RBMS3: variants seen among roughly 807,000 people sequenced by gnomAD.
RBMS3 encodes the protein RNA binding motif single stranded interacting protein 3.
Under a neutral mutation model 66.8 loss-of-function variants are expected in RBMS3, and 27 were observed. The observed-to-expected ratio is 0.40, with a 90% CI of 0.30 to 0.56. The LOEUF (loss-of-function observed/expected upper bound fraction) is 0.56. RBMS3 is among the 20% of genes least tolerant of loss of function. RBMS3 has a pLI of 0.40. For missense variants in RBMS3, 513 were observed against 549.5 expected (o/e 0.93, Z 0.66); for synonymous variants, 188 against 183.0 (o/e 1.03, Z -0.22).
chr3:29,399,443 G>A (rs150216810), intron 1 of RBMS3, among the ~76,000 whole-genome samples: 42 of 150,916 alleles, frequency 2.8e-4, no homozygotes, highest in African/African-American at 8.9e-4. Context: ...TCTATTAAGA[G>A]CTTGAAAAAA....
At chr3:29,508,463 G>T (rs1043899372) in intron 3 of RBMS3, among the ~76,000 whole-genome samples, 14 of 152,228 alleles carry the variant, frequency 9.2e-5, no homozygotes, top group African/African-American at 3.1e-4. Flanking sequence ...TTGGTTTTCT[G>T]TTCTTGTGTT....
At chr3:29,586,241 A>T (rs1413842535) in intron 3 of RBMS3, among the ~76,000 whole-genome samples, 1 of 152,112 alleles carries the variant, frequency 6.6e-6, no homozygotes, top group Non-Finnish European at 1.5e-5. Flanking sequence ...TTGGCAGTTA[A>T]CATTACTGTT....
intron 5 of RBMS3, among the ~76,000 whole-genome samples, chr3:29,740,080 T>G (rs1315332792): frequency 6.6e-6 from 1 of 152,058 alleles, no homozygotes; most frequent in Non-Finnish European, 1.5e-5. Flanking sequence ...CTGTGCTTGT[T>G]CAAATGTACG....
intron 2 of RBMS3, among the ~76,000 whole-genome samples, chr3:29,454,959 C>T (rs895567274): frequency 1.3e-5 from 2 of 152,098 alleles, no homozygotes; most frequent in Admixed American, 6.5e-5. Context: ...TGCATTTCAA[C>T]GTCAAAATAG....
rs546007119 is a variant in RBMS3, at chr3:29,971,769, T to A, written c.1099-16374T>A. ...GAGGTACAGAGAAAAAGCTGTTAGA[T>A]GTCATAAGAGGTAGTTACCATTTCC... On this transcript the variant is annotated intron_variant, in intron 12 of 14. Transcript: ENST00000383767. Among the ~76,000 whole-genome samples, 18 of 152,240 alleles carry A rather than the reference T, an allele frequency of 1.2e-4. No individual in the cohort carries two copies. The South Asian group carries it at 3.7e-3, about 32-fold the overall frequency.
At chr3:29,490,717 G>A (rs972149221) in intron 3 of RBMS3, among the ~76,000 whole-genome samples, 3 of 152,100 alleles carry the variant, frequency 2.0e-5, no homozygotes, top group Admixed American at 2.0e-4. Flanking sequence ...ATTAGGGTGG[G>A]CAGTTGAGAA....
chr3:29,504,102 C>G (rs1204725952), intron 3 of RBMS3, among the ~76,000 whole-genome samples: 1 of 151,178 alleles, frequency 6.6e-6, no homozygotes, highest in African/African-American at 2.5e-5. Context: ...TTTAGATCCA[C>G]TCCAGAAATA....
At chr3:29,432,730 C>T (rs1349296923) in intron 1 of RBMS3, among the ~76,000 whole-genome samples, 13 of 152,076 alleles carry the variant, frequency 8.5e-5, no homozygotes. Flanking sequence ...ACACTGAAAG[C>T]TGTGAAGGAA....
At chr3:29,820,747 C>T (rs906858821) in intron 6 of RBMS3, among the ~76,000 whole-genome samples, 2 of 152,092 alleles carry the variant, frequency 1.3e-5, no homozygotes, top group Admixed American at 6.6e-5. Flanking sequence ...GCACGTGGTG[C>T]TACAAAATTC....
intron 1 of RBMS3, among the ~76,000 whole-genome samples, chr3:29,333,268 T>C (rs1339370796): frequency 6.6e-6 from 1 of 152,174 alleles, no homozygotes; most frequent in African/African-American, 2.4e-5. Context: ...TCCTACCTGG[T>C]AGATTATTTC....
At chr3:29,500,144 C>T (rs532064117) in intron 3 of RBMS3, among the ~76,000 whole-genome samples, 39 of 148,570 alleles carry the variant, frequency 2.6e-4, no homozygotes, top group African/African-American at 9.2e-4. Flanking sequence ...TATTAAGACA[C>T]TGTGGCATAA....
At chr3:29,809,077 TG>T in intron 6 of RBMS3, among the ~76,000 whole-genome samples, 1 of 152,104 alleles carries the variant, frequency 6.6e-6, no homozygotes, top group Non-Finnish European at 1.5e-5. Flanking sequence ...TAGTTAGTAC[TG>T]ATTTGCGTTT....
chr3:29,762,904 T>G lies in RBMS3; in HGVS notation c.558-6T>G. ...ATATGACCTCTGGTTTACCTTTTTT[T>G]CCCAGAATGGAGTCTACTGAAAAAT... On this transcript the variant is annotated splice_region_variant and splice_polypyrimidine_tract_variant and intron_variant, in intron 5 of 14. Transcript: ENST00000383767. 2 of 1,593,394 alleles carry G rather than the reference T, an allele frequency of 1.3e-6. No homozygotes were observed. Among genetic ancestry groups the G allele is most frequent in the South Asian group, 2.2e-5 (2 of 89,270 alleles).
At chr3:29,764,095 A>G (rs1384673160) in intron 6 of RBMS3, among the ~76,000 whole-genome samples, 1 of 144,090 alleles carries the variant, frequency 6.9e-6, no homozygotes, top group African/African-American at 2.7e-5. Context: ...ATTTTTGTGG[A>G]GGGTTTTGTA....
chr3:29,468,675 C>T (rs7624311), intron 2 of RBMS3, among the ~76,000 whole-genome samples: 4,619 of 152,148 alleles, frequency 0.03, 213 homozygotes, highest in African/African-American at 0.1. Flanking sequence ...TCATACTCTC[C>T]TAACTAGTTT....
chr3:29,410,807 A>G (rs565754079), intron 1 of RBMS3, among the ~76,000 whole-genome samples: 10 of 152,284 alleles, frequency 6.6e-5, no homozygotes, highest in African/African-American at 2.4e-4. Flanking sequence ...TGGTGTTGAC[A>G]GGAGAGAACA....
At chr3:29,932,940 C>A (rs2061168706) in intron 10 of RBMS3, among the ~76,000 whole-genome samples, 1 of 152,132 alleles carries the variant, frequency 6.6e-6, no homozygotes, top group African/African-American at 2.4e-5. Context: ...AAGGCAGTGG[C>A]TAAAAAGGAC....
intron 12 of RBMS3, among the ~76,000 whole-genome samples, chr3:29,981,891 T>C (rs1322981590): frequency 6.6e-6 from 1 of 152,216 alleles, no homozygotes; most frequent in Non-Finnish European, 1.5e-5. Flanking sequence ...AAATTTTCTT[T>C]GTGTGTGTCT....
In RBMS3 at chr3:29,955,323, T is replaced by C. The variant is rs560663052; in HGVS notation, c.1098+11069T>C. On this transcript the variant is annotated intron_variant, in intron 12 of 14. Transcript: ENST00000383767. ...ATCATCCAATGCCGATTTCAGCTGA[T>C]AGTTTAAACATATGGTCCTGTGTGT... Among the ~76,000 whole-genome samples, 10 of 152,164 alleles carry C rather than the reference T, an allele frequency of 6.6e-5. No individual in the cohort carries two copies. The East Asian group carries it at 1.5e-3, about 24-fold the overall frequency.
Sources: allele counts gnomAD v4.1 joint callset (sites outside exome capture counted in the v4.1 genomes callset), GRCh38; gene constraint gnomAD v4.1.1; transcripts MANE v1.5; gene names NCBI Gene and HGNC (gene_info 2026-07-23, HGNC 2026-07-21).